Variants in PARN observed in about 807,000 individuals in gnomAD.
The protein encoded by PARN is poly(A)-specific ribonuclease.
Under a neutral mutation model 102.8 loss-of-function variants are expected in PARN, and 71 were observed. That is an observed-to-expected ratio of 0.69 (90% CI 0.57 to 0.84). The LOEUF (loss-of-function observed/expected upper bound fraction) is 0.84, where lower values mean the gene tolerates loss of function less well. Ranked by LOEUF, PARN falls within the 40% of genes least tolerant of loss-of-function variation. PARN has a pLI of 0.00. For synonymous variants in PARN, 261 were observed against 252.9 expected (o/e 1.03, Z -0.30); for missense variants, 782 against 760.9 (o/e 1.03, Z -0.33).
Position 14,482,322 on chromosome 16 carries a change from G to T in PARN, c.1670+316C>A, listed in dbSNP as rs1384407292. Reference sequence around the variant, plus strand: ...TTGGAGGATCACTTGAGCCCAGGAGGTCGAAGCTGCAGCAAGCTGTGATTG... The same window carrying T: ...TTGGAGGATCACTTGAGCCCAGGAGTTCGAAGCTGCAGCAAGCTGTGATTG... On this transcript the variant is annotated intron_variant, in intron 22 of 23. Transcript: ENST00000437198. Among the ~76,000 whole-genome samples the T allele has an allele frequency of 2.0e-5, 3 of 151,960 alleles. No individual in the cohort carries two copies. In the East Asian group the frequency reaches 5.8e-4, roughly 29 times the overall value.
chr16:14,438,435 A>G (rs895625489), intron 23 of PARN, among the ~76,000 whole-genome samples: 1 of 108,446 alleles, frequency 9.2e-6, no homozygotes, highest in African/African-American at 3.7e-5. Flanking sequence ...TGCACCTGCC[A>G]TTAGTTGGGG....
chr16:14,579,526 T>C (rs1414080777), intron 18 of PARN, among the ~76,000 whole-genome samples: 1 of 151,970 alleles, frequency 6.6e-6, no homozygotes, highest in Non-Finnish European at 1.5e-5. Flanking sequence ...GCCAAGATCA[T>C]GCCACTGCAC....
chr16:14,586,402 C>CTGCGAGTGTATTAGG, intron 13 of PARN, 41 bp from the exon 14 acceptor site: 1 of 1,204,322 alleles, frequency 8.3e-7, no homozygotes, highest in Non-Finnish European at 1.2e-6. Context: ...TTTCCTAATA[C>CTGCGAGTGTATTAGG]ACTCGCAGTA....
At chr16:14,597,002 G>C (rs1970558796) in intron 12 of PARN, among the ~76,000 whole-genome samples, 1 of 152,088 alleles carries the variant, frequency 6.6e-6, no homozygotes, top group South Asian at 2.1e-4. Flanking sequence ...GGTTAGGCTG[G>C]TGTCGAACTC....
chr16:14,607,186 T>C (rs544792781), intron 9 of PARN, among the ~76,000 whole-genome samples: 3 of 152,224 alleles, frequency 2.0e-5, no homozygotes, highest in Admixed American at 1.3e-4. Context: ...CTAACTGAAA[T>C]TGTGAAAGTC....
At chr16:14,505,494 C>T (rs1388468304) in intron 21 of PARN, among the ~76,000 whole-genome samples, 1 of 152,102 alleles carries the variant, frequency 6.6e-6, no homozygotes, top group Non-Finnish European at 1.5e-5. Flanking sequence ...CACACACACA[C>T]ACACACACAT....
At chr16:14,495,385 C>T (rs1411407693) in intron 21 of PARN, among the ~76,000 whole-genome samples, 2 of 152,014 alleles carry the variant, frequency 1.3e-5, no homozygotes, top group African/African-American at 2.4e-5. Context: ...TCAGGAGGAT[C>T]GTGAGCCCAG....
intron 18 of PARN, among the ~76,000 whole-genome samples, chr16:14,572,882 T>C (rs1282157819): frequency 1.3e-5 from 2 of 152,050 alleles, no homozygotes; most frequent in Non-Finnish European, 2.9e-5. Context: ...TTAGATCTTT[T>C]TGTATTTTTT....
chr16:14,499,718 A>T (rs1428896389), intron 21 of PARN, among the ~76,000 whole-genome samples: 1 of 152,210 alleles, frequency 6.6e-6, no homozygotes, highest in Non-Finnish European at 1.5e-5. Flanking sequence ...GAAATGTAAA[A>T]AACTAAAACA....
In PARN at chr16:14,630,149, GC is replaced by G. The variant is rs983170858; in HGVS notation, c.-25del. 2 of 1,553,428 alleles carry G rather than the reference GC, an allele frequency of 1.3e-6. No individual in the cohort carries two copies. Among genetic ancestry groups the G allele is most frequent in the Non-Finnish European group, 1.7e-6 (2 of 1,147,612 alleles). The stretch of plus-strand genomic sequence containing the variant: ...ATTCTGCAGAGTGGCCGGAACCTTG[GC>G]CCCACCCGGGCCCGCGCCCGCCTCA... On this transcript the variant is annotated 5_prime_UTR_variant, in exon 1 of 24. Coordinates refer to ENST00000437198, the MANE Select transcript of PARN (RefSeq NM_002582.4).
chr16:14,492,648 C>T (rs1204066815), intron 21 of PARN, among the ~76,000 whole-genome samples: 2 of 152,178 alleles, frequency 1.3e-5, no homozygotes, highest in African/African-American at 4.8e-5. Context: ...GCACACTGGC[C>T]ACTGTTCCCA....
intron 21 of PARN, among the ~76,000 whole-genome samples, chr16:14,545,363 A>G (rs1013490040): frequency 2.0e-5 from 3 of 152,250 alleles, no homozygotes; most frequent in Non-Finnish European, 4.4e-5. Context: ...GAATGAAATT[A>G]TAAATTAGTA....
intron 21 of PARN, among the ~76,000 whole-genome samples, chr16:14,545,811 A>G (rs946148327): frequency 6.6e-6 from 1 of 152,238 alleles, no homozygotes; most frequent in Non-Finnish European, 1.5e-5. Context: ...TAAGATATTA[A>G]TATGTTGACC....
At chr16:14,556,980 T>A (rs559236848) in intron 18 of PARN, among the ~76,000 whole-genome samples, 1 of 152,222 alleles carries the variant, frequency 6.6e-6, no homozygotes, top group African/African-American at 2.4e-5. Flanking sequence ...ATTTTATGTT[T>A]ATCTTCCAAA....
At chr16:14,607,733 T>C (rs1428376053) in intron 9 of PARN, among the ~76,000 whole-genome samples, 1 of 152,136 alleles carries the variant, frequency 6.6e-6, no homozygotes, top group Non-Finnish European at 1.5e-5. Context: ...ATGTCACTGG[T>C]AGATTCCAAC....
chr16:14,503,840 G>C (rs1964745585), intron 21 of PARN, among the ~76,000 whole-genome samples: 1 of 152,212 alleles, frequency 6.6e-6, no homozygotes. Flanking sequence ...CTGGTATAAG[G>C]AGAACTGGAA....
chr16:14,538,028 T>C (rs868404176), intron 21 of PARN, among the ~76,000 whole-genome samples: 3 of 152,138 alleles, frequency 2.0e-5, no homozygotes, highest in African/African-American at 7.2e-5. Flanking sequence ...TATACATATA[T>C]TGAAATGTGA....
intron 11 of PARN, among the ~76,000 whole-genome samples, chr16:14,601,574 A>G (rs1030951942): frequency 6.6e-6 from 1 of 152,178 alleles, no homozygotes; most frequent in Non-Finnish European, 1.5e-5. Flanking sequence ...ACTGAACTAT[A>G]CATTTAATAG....
At chr16:14,570,951 C>T (rs1039229638) in intron 18 of PARN, among the ~76,000 whole-genome samples, 1 of 152,004 alleles carries the variant, frequency 6.6e-6, no homozygotes, top group African/African-American at 2.4e-5. Flanking sequence ...TGCCTCTGCA[C>T]TCCAGCCTGG....
Sources: gnomAD v4.1 joint callset for allele counts (sites outside exome capture counted in the v4.1 genomes callset) on GRCh38, gnomAD v4.1.1 for gene constraint, MANE v1.5 for transcripts, NCBI Gene and HGNC (gene_info 2026-07-23, HGNC 2026-07-21) for gene names.